The following PCDHA12 variants were observed in gnomAD, a reference collection of about 807,000 sequenced individuals.
PCDHA12 encodes the protein protocadherin alpha-12.
In PCDHA12, 44 loss-of-function variants were observed where a neutral mutation model predicts 60.0. That is an observed-to-expected ratio of 0.73 (90% CI 0.58 to 0.94). The LOEUF (loss-of-function observed/expected upper bound fraction) is 0.94. Among genes scored for constraint, PCDHA12 ranks in the 40% least tolerant of loss-of-function variants. PCDHA12 has a pLI of 0.00. For missense variants in PCDHA12, 1,276 were observed against 1,239.7 expected, an observed-to-expected ratio of 1.03 and a Z score of -0.44; for synonymous variants, 569 against 553.0, an observed-to-expected ratio of 1.03 and a Z score of -0.40.
Position 140,877,228 on chromosome 5 carries a change from G to A in PCDHA12, c.1756G>A (p.Gly586Ser). 1.2e-6 allele frequency: 2 copies of A among 1,613,700 alleles called. No individual in the cohort carries two copies. The highest frequency in any genetic ancestry group is 1.7e-6 in the Non-Finnish European group (2 of 1,179,740). ...AVSELVPRSV[G>S]AGHVVAKVRA... ...TAGCGAGTTGGTACCGCGGTCGGTG[G>A]GTGCGGGCCACGTGGTGGCGAAAGT... Residue 586 changes from glycine (G) to serine (S), a missense_variant, in exon 1 of 4, where the codon GGT (glycine) becomes AGT (serine). Transcript: ENST00000398631.
At chr5:140,882,481 C>A in intron 1 of PCDHA12, 1 of 1,614,038 alleles carries the variant, frequency 6.2e-7, no homozygotes, top group Non-Finnish European at 8.5e-7. Flanking sequence ...CCAAAAGACA[C>A]GGGGACCTTC....
chr5:140,972,399 T>C (rs1554234105), intron 1 of PCDHA12, among the ~76,000 whole-genome samples: 2 of 152,062 alleles, frequency 1.3e-5, no homozygotes, highest in South Asian at 2.1e-4. Context: ...TGCTTCACTA[T>C]TGGCAAACCC....
intron 3 of PCDHA12, among the ~76,000 whole-genome samples, chr5:140,990,262 C>T (rs2097383201): frequency 6.6e-6 from 1 of 152,152 alleles, no homozygotes; most frequent in South Asian, 2.1e-4. Context: ...GGATACCAAA[C>T]AATGTACCCC....
chr5:140,927,421 G>A, intron 1 of PCDHA12: 2 of 1,614,208 alleles, frequency 1.2e-6, no homozygotes, highest in South Asian at 1.1e-5. Flanking sequence ...GGGATCGCGG[G>A]TTGACGGCAG....
chr5:140,881,097 A>G (rs1179635604), intron 1 of PCDHA12, among the ~76,000 whole-genome samples: 1 of 152,262 alleles, frequency 6.6e-6, no homozygotes, highest in Non-Finnish European at 1.5e-5. Flanking sequence ...TTTTCATTAC[A>G]CCATTTGGCC....
At chr5:140,948,819 A>G (rs1332127797) in intron 1 of PCDHA12, among the ~76,000 whole-genome samples, 5 of 151,420 alleles carry the variant, frequency 3.3e-5, no homozygotes, top group Middle Eastern at 3.4e-3. Context: ...TTTCTATTTC[A>G]TTAATTTCTG....
At position 140,877,323 on chromosome 5, in the gene PCDHA12, C is replaced by A; in HGVS notation, c.1851C>A (p.Gly617=). Residue 617 remains glycine (G), a synonymous_variant, in exon 1 of 4, where the codon GGC becomes GGA. Transcript: ENST00000398631. ...LSYELQPAAV[G]AHIPFHVGLY... The stretch of plus-strand genomic sequence containing the variant: ...ACGAGTTGCAACCGGCGGCGGTCGG[C>A]GCGCACATCCCGTTCCACGTGGGGC... 6.2e-7 allele frequency: 1 copy of A among 1,613,988 alleles called. No individual in the cohort carries two copies. The highest frequency in any genetic ancestry group is 8.5e-7 in the Non-Finnish European group (1 of 1,179,870).
chr5:140,879,782 G>C (rs1372413289), intron 1 of PCDHA12, among the ~76,000 whole-genome samples: 1 of 152,178 alleles, frequency 6.6e-6, no homozygotes, highest in African/African-American at 2.4e-5. Flanking sequence ...GGAAGAATCT[G>C]GTTTTTGTTT....
intron 1 of PCDHA12, among the ~76,000 whole-genome samples, chr5:140,910,353 A>G (rs938677700): frequency 1.1e-4 from 16 of 152,306 alleles, no homozygotes; most frequent in African/African-American, 3.8e-4. Context: ...TCTGCTGTCC[A>G]TTATGGTAGC....
intron 1 of PCDHA12, among the ~76,000 whole-genome samples, chr5:140,957,730 T>G (rs1044691694): frequency 6.6e-6 from 1 of 152,144 alleles, no homozygotes; most frequent in Non-Finnish European, 1.5e-5. Flanking sequence ...AGCAGAATTA[T>G]ATATACTGAC....
intron 1 of PCDHA12, chr5:140,967,103 C>T: frequency 6.2e-7 from 1 of 1,613,024 alleles, no homozygotes; most frequent in Non-Finnish European, 8.5e-7. Context: ...GCTGTGTGAG[C>T]AGCGGCCTCG....
In PCDHA12 at chr5:140,915,626, GTCTCTCTC is replaced by G. The variant is rs57920489; in HGVS notation, c.2367+37810_2367+37817del. ...ACTTTCTGTCAAACAGTCTCTTTCT[GTCTCTCTC>G]TCTCTCTCTCTCTCTCTCTCTCAAG... is the stretch of plus-strand genomic sequence containing the variant. On this transcript the variant is annotated intron_variant, in intron 1 of 3. Transcript: ENST00000398631. Among the ~76,000 whole-genome samples, 662 of 146,534 alleles carry G rather than the reference GTCTCTCTC, an allele frequency of 4.5e-3. 3 individuals are homozygous for G. The highest frequency in any genetic ancestry group is 0.016 in the African/African-American group (641 of 39,750).
intron 1 of PCDHA12, chr5:140,969,336 GA>G: frequency 2.5e-6 from 4 of 1,613,996 alleles, no homozygotes; most frequent in Non-Finnish European, 3.4e-6. Context: ...AATGAGGTGA[GA>G]CAGTGGTCAG....
chr5:140,878,556 A>C (rs959852623), intron 1 of PCDHA12, among the ~76,000 whole-genome samples: 1 of 152,156 alleles, frequency 6.6e-6, no homozygotes. Context: ...GATGATCCCA[A>C]ACTTATCATA....
In PCDHA12 at chr5:140,877,366, A is replaced by G. The variant is rs1358364554; in HGVS notation, c.1894A>G (p.Ser632Gly). Residue 632 changes from serine to glycine, a missense_variant, in exon 1 of 4, where the codon AGC becomes GGC. Ser to Gly is a moderately conservative substitution (Grantham distance 56). Transcript: ENST00000398631. ...FHVGLYTGEI[S>G]TTRILDEADA... ...CGTGGGGCTGTACACTGGCGAGATC[A>G]GCACGACACGCATCCTGGATGAGGC... The G allele has an allele frequency of 6.2e-7, 1 of 1,613,868 alleles. No individual in the cohort carries two copies. The highest frequency in any genetic ancestry group is 8.5e-7 in the Non-Finnish European group (1 of 1,179,894).
intron 1 of PCDHA12, among the ~76,000 whole-genome samples, chr5:140,917,662 C>T (rs1554198266): frequency 6.6e-6 from 1 of 152,118 alleles, no homozygotes; most frequent in Admixed American, 6.6e-5. Flanking sequence ...AGTAGGAAGT[C>T]CTTTCTCCAT....
At position 140,880,491 on chromosome 5, in the gene PCDHA12, A is replaced by G. The variant is rs570569134; in HGVS notation, c.2367+2652A>G. Among the ~76,000 whole-genome samples, 6 of 152,342 alleles carry G rather than the reference A, an allele frequency of 3.9e-5. No individual in the cohort carries two copies. In the South Asian group the frequency reaches 1.2e-3, roughly 32 times the overall value. On this transcript the variant is annotated intron_variant, in intron 1 of 3. Transcript: ENST00000398631. Reference sequence around the variant, plus strand: ...AGGAAAAATGACACAAGAAGAGAGCAATTGAATTTCTGTTTGGTCACATCT... The same window carrying G: ...AGGAAAAATGACACAAGAAGAGAGCGATTGAATTTCTGTTTGGTCACATCT...
intron 1 of PCDHA12, among the ~76,000 whole-genome samples, chr5:140,886,844 A>C (rs11748231): frequency 2.0e-5 from 3 of 150,634 alleles, no homozygotes; most frequent in African/African-American, 7.3e-5. Flanking sequence ...AAAAAAAAAA[A>C]AAAGAAAGGT....
At chr5:140,987,444 C>T (rs2097254283) in intron 3 of PCDHA12, among the ~76,000 whole-genome samples, 2 of 151,998 alleles carry the variant, frequency 1.3e-5, no homozygotes, top group Admixed American at 6.6e-5. Flanking sequence ...TCCCCATGCC[C>T]GAGAGATAAT....
Sources: gnomAD v4.1 joint callset for allele counts (sites outside exome capture counted in the v4.1 genomes callset) on GRCh38, gnomAD v4.1.1 for gene constraint, MANE v1.5 for transcripts, NCBI Gene and HGNC (gene_info 2026-07-23, HGNC 2026-07-21) for gene names.